Variants in GRM3 observed in about 807,000 individuals in gnomAD.
GRM3 encodes metabotropic glutamate receptor 3.
Under a neutral mutation model 70.5 loss-of-function variants are expected in GRM3, and 26 were observed. The observed-to-expected ratio is 0.37, with a 90% CI of 0.27 to 0.51. The LOEUF (loss-of-function observed/expected upper bound fraction) is 0.51. GRM3 is among the 20% of genes least tolerant of loss of function. The pLI is 0.93. For missense variants in GRM3, 859 were observed against 1,123.8 expected (o/e 0.76, Z 3.37); for synonymous variants, 443 against 434.9 (o/e 1.02, Z -0.23).
chr7:86,826,640 T>C (rs1316992890), intron 3 of GRM3, among the ~76,000 whole-genome samples: 1 of 152,160 alleles, frequency 6.6e-6, no homozygotes, highest in Non-Finnish European at 1.5e-5. Flanking sequence ...CATAAGGAAT[T>C]TATCAGGCAT....
At chr7:86,862,671 T>C (rs1036294491) in intron 5 of GRM3, among the ~76,000 whole-genome samples, 63 of 152,270 alleles carry the variant, frequency 4.1e-4, no homozygotes, top group African/African-American at 1.4e-3. Context: ...CTTGACTTCA[T>C]AGATTTTTCT....
At chr7:86,660,859 C>T (rs1008362974) in intron 1 of GRM3, among the ~76,000 whole-genome samples, 21 of 151,884 alleles carry the variant, frequency 1.4e-4, no homozygotes, top group Non-Finnish European at 2.4e-4. Flanking sequence ...ATTCCAATAG[C>T]TTCCTTTATT....
intron 1 of GRM3, among the ~76,000 whole-genome samples, chr7:86,658,661 T>C (rs922979091): frequency 2.6e-5 from 4 of 152,196 alleles, no homozygotes; most frequent in Non-Finnish European, 4.4e-5. Context: ...AAGTAAGTAC[T>C]GCATACAGAA....
At chr7:86,821,447 T>C (rs1798118233) in intron 3 of GRM3, among the ~76,000 whole-genome samples, 1 of 152,210 alleles carries the variant, frequency 6.6e-6, no homozygotes, top group Non-Finnish European at 1.5e-5. Flanking sequence ...GCAGGTACTC[T>C]AGCAGTCAAG....
intron 1 of GRM3, among the ~76,000 whole-genome samples, chr7:86,673,153 A>G (rs2299212): frequency 0.67 from 101,743 of 151,928 alleles, 34,420 homozygotes; most frequent in East Asian, 0.88. Context: ...CATCAAAGGC[A>G]TGACTGAGCA....
chr7:86,689,310 T>G (rs913116250), intron 1 of GRM3, among the ~76,000 whole-genome samples: 1 of 151,952 alleles, frequency 6.6e-6, no homozygotes, highest in East Asian at 1.9e-4. Context: ...GGTTAAAATG[T>G]GGGGCAGCGA....
At chr7:86,766,114 G>A (rs2116419609) in intron 2 of GRM3, among the ~76,000 whole-genome samples, 1 of 152,180 alleles carries the variant, frequency 6.6e-6, no homozygotes, top group African/African-American at 2.4e-5. Context: ...GCAACTCACA[G>A]GGCTCAATCC....
chr7:86,715,541 C>A (rs1795293971), intron 1 of GRM3, among the ~76,000 whole-genome samples: 1 of 151,998 alleles, frequency 6.6e-6, no homozygotes, highest in South Asian at 2.1e-4. Flanking sequence ...GCCAGGCTGG[C>A]AGCTCCTTCC....
intron 1 of GRM3, among the ~76,000 whole-genome samples, chr7:86,665,211 C>T (rs1793995742): frequency 6.6e-6 from 1 of 151,966 alleles, no homozygotes; most frequent in African/African-American, 2.4e-5. Context: ...AAATGAACAT[C>T]GCATGTGCTC....
chr7:86,853,242 G>A (rs1798786511), intron 5 of GRM3, among the ~76,000 whole-genome samples: 1 of 152,138 alleles, frequency 6.6e-6, no homozygotes, highest in Non-Finnish European at 1.5e-5. Flanking sequence ...TAAAAGGTAA[G>A]TCATGAAGAG....
rs540966375 is a variant in GRM3 at position 86,864,487 on chromosome 7, T to C, written c.*132T>C. 2 of 719,554 alleles carry C rather than the reference T, an allele frequency of 2.8e-6. No homozygotes were observed. Among genetic ancestry groups the C allele is most frequent in the Non-Finnish European group, 5.1e-6 (2 of 391,434 alleles). The allele number at this position is 719,554 out of a possible 1,614,324, so 44.6% of individuals were successfully genotyped here. A position where few individuals can be genotyped will look rare whatever the true frequency, so the allele number is the denominator to read the frequency against. On this transcript the variant is annotated 3_prime_UTR_variant, in exon 6 of 6. Transcript: ENST00000361669. ...TTTTAGAAACAGTACGATAAATTAT[T>C]TTTGAGGACTGTATATAGTGATGTG...
intron 1 of GRM3, among the ~76,000 whole-genome samples, chr7:86,713,334 G>T (rs1225655044): frequency 5.9e-5 from 9 of 151,606 alleles, no homozygotes; most frequent in Admixed American, 5.9e-4. Flanking sequence ...TATGTTTTTT[G>T]CTGCTGAGTT....
intron 3 of GRM3, among the ~76,000 whole-genome samples, chr7:86,795,279 T>TTTTATTTTATTTTAC (rs1584249926): frequency 1.4e-5 from 2 of 147,962 alleles, no homozygotes; most frequent in East Asian, 3.9e-4. Flanking sequence ...TTTTATTTTA[T>TTTTATTTTATTTTAC]TTTATTTTAT....
At chr7:86,780,534 A>G (rs1797021398) in intron 2 of GRM3, among the ~76,000 whole-genome samples, 1 of 152,212 alleles carries the variant, frequency 6.6e-6, no homozygotes. Flanking sequence ...ATATCTGAAC[A>G]TTGAAAATAA....
At chr7:86,648,318 T>C (rs701332) in intron 1 of GRM3, among the ~76,000 whole-genome samples, 31,699 of 152,172 alleles carry the variant, frequency 0.21, 3,391 homozygotes, top group African/African-American at 0.26. Context: ...ATGCACATTA[T>C]GAGACATTTT....
At chr7:86,791,068 C>T (rs181494255) in intron 3 of GRM3, among the ~76,000 whole-genome samples, 1 of 152,268 alleles carries the variant, frequency 6.6e-6, no homozygotes, top group Non-Finnish European at 1.5e-5. Flanking sequence ...GCATCCCAAG[C>T]ATAAAAGGTG....
intron 3 of GRM3, among the ~76,000 whole-genome samples, chr7:86,824,819 T>C (rs1798198963): frequency 6.7e-6 from 1 of 149,804 alleles, no homozygotes; most frequent in African/African-American, 2.4e-5. Context: ...TGTGTGCACA[T>C]ATATATACAG....
chr7:86,861,057 T>TAAAG lies in GRM3; in HGVS notation c.2567-3223_2567-3220dup, dbSNP rs1798947613. Among the ~76,000 whole-genome samples the TAAAG allele has an allele frequency of 2.6e-5, 4 of 152,286 alleles. No individual in the cohort carries two copies. In the South Asian group the frequency reaches 8.3e-4, roughly 32 times the overall value. ...TAATACAACTTGATCCTGGAAAAGA[T>TAAAG]AAAGAGATTAGTTAAAATGTCAAAG... On this transcript the variant is annotated intron_variant, in intron 5 of 5. Transcript: ENST00000361669.
At chr7:86,812,607 C>T (rs955679720) in intron 3 of GRM3, among the ~76,000 whole-genome samples, 4 of 151,718 alleles carry the variant, frequency 2.6e-5, no homozygotes, top group African/African-American at 9.7e-5. Context: ...AATCTGAACA[C>T]AATTAAAGTG....
Sources: allele counts gnomAD v4.1 joint callset (sites outside exome capture counted in the v4.1 genomes callset), GRCh38; gene constraint gnomAD v4.1.1; transcripts MANE v1.5; gene names NCBI Gene and HGNC (gene_info 2026-07-23, HGNC 2026-07-21).